N4BP2L2: variants seen among roughly 807,000 people sequenced by gnomAD.
N4BP2L2 encodes NEDD4 binding protein 2 like 2.
Under a neutral mutation model 56.2 loss-of-function variants are expected in N4BP2L2, and 50 were observed. The observed-to-expected ratio is 0.89, with a 90% CI of 0.71 to 1.13. The LOEUF is 1.13. N4BP2L2 is among the 50% of genes most tolerant of loss of function. N4BP2L2 has a pLI of 0.00. For missense variants in N4BP2L2, 689 were observed against 693.8 expected (o/e 0.99, Z 0.08); for synonymous variants, 203 against 223.6 (o/e 0.91, Z 0.82).
intron 6 of N4BP2L2, among the ~76,000 whole-genome samples, chr13:32,481,808 C>T (rs962555858): frequency 2.0e-5 from 3 of 152,190 alleles, no homozygotes; most frequent in Non-Finnish European, 2.9e-5. Flanking sequence ...CTGACTCAGT[C>T]TAGTCCAGTT....
At chr13:32,477,795 A>G (rs2083667933) in intron 6 of N4BP2L2, 1 of 1,097,470 alleles carries the variant, frequency 9.1e-7, no homozygotes, top group Admixed American at 2.4e-5. Flanking sequence ...TCTTGTTAAG[A>G]GGTATACAGC....
At chr13:32,518,115 A>AAT in intron 5 of N4BP2L2, 112 bp from the exon 6 acceptor site, 1 of 980,476 alleles carries the variant, frequency 1.0e-6, no homozygotes, top group Non-Finnish European at 1.4e-6. Context: ...GTAAATAAAC[A>AAT]ATATATATTT....
At position 32,448,584 on chromosome 13, in the gene N4BP2L2, G is replaced by T. The variant is rs78243255; in HGVS notation, c.366-4458C>A. Among the ~76,000 whole-genome samples the T allele has an allele frequency of 6.0e-3, 910 of 152,266 alleles. 13 individuals are homozygous for T. Among genetic ancestry groups the T allele is most frequent in the African/African-American group, 0.021 (869 of 41,530 alleles). The stretch of plus-strand genomic sequence containing the variant: ...GTGTACCTCTCAGGAATTAGAAAGT[G>T]TTTGTTCAGATACAAGCTAATCTGA... On this transcript the variant is annotated intron_variant, in intron 6 of 9. Coordinates refer to the N4BP2L2 transcript ENST00000357505.
At chr13:32,472,704 A>T (rs1253198457) in intron 6 of N4BP2L2, among the ~76,000 whole-genome samples, 1 of 152,230 alleles carries the variant, frequency 6.6e-6, no homozygotes, top group African/African-American at 2.4e-5. Context: ...AAGCTAGCTG[A>T]GCCTAGGTGA....
At chr13:32,528,569 G>C (rs2053746660) in intron 2 of N4BP2L2, among the ~76,000 whole-genome samples, 1 of 152,196 alleles carries the variant, frequency 6.6e-6, no homozygotes, top group South Asian at 2.1e-4. Context: ...GAAATTGGGA[G>C]TGTGCTATGA....
chr13:32,444,158 A>T, intron 6 of N4BP2L2: 1 of 1,421,046 alleles, frequency 7.0e-7, no homozygotes. Flanking sequence ...AAAATGTATG[A>T]CTTAATTACA....
At chr13:32,533,960 T>A (rs973277557) in intron 2 of N4BP2L2, among the ~76,000 whole-genome samples, 1 of 152,188 alleles carries the variant, frequency 6.6e-6, no homozygotes, top group African/African-American at 2.4e-5. Flanking sequence ...AGGAGTCACG[T>A]ATAAGACTAC....
At chr13:32,487,747 C>A (rs772506008) in intron 6 of N4BP2L2, among the ~76,000 whole-genome samples, 1 of 152,120 alleles carries the variant, frequency 6.6e-6, no homozygotes, top group Non-Finnish European at 1.5e-5. Flanking sequence ...TTCCCCATAG[C>A]AGGCATATAG....
intron 6 of N4BP2L2, among the ~76,000 whole-genome samples, chr13:32,450,309 A>G (rs71436479): frequency 0.031 from 4,680 of 152,170 alleles, 111 homozygotes; most frequent in Middle Eastern, 0.061. Context: ...AACAGTAAAA[A>G]AATTATATAT....
At chr13:32,441,222 C>T (rs1346490612) in intron 7 of N4BP2L2, among the ~76,000 whole-genome samples, 2 of 152,154 alleles carry the variant, frequency 1.3e-5, no homozygotes, top group African/African-American at 4.8e-5. Context: ...CACCTCATCC[C>T]TTCAGTATCC....
chr13:32,518,266 C>G (rs761472126), intron 5 of N4BP2L2, among the ~76,000 whole-genome samples: 4 of 152,094 alleles, frequency 2.6e-5, no homozygotes, highest in Admixed American at 2.6e-4. Flanking sequence ...ATTCACTGAG[C>G]CTGCTGACTA....
At chr13:32,439,883 G>A (rs1296855361) in intron 7 of N4BP2L2, among the ~76,000 whole-genome samples, 8 of 150,634 alleles carry the variant, frequency 5.3e-5, no homozygotes, top group Admixed American at 3.3e-4. Flanking sequence ...AAAATTAGCC[G>A]GGCGCAGTGG....
intron 6 of N4BP2L2, among the ~76,000 whole-genome samples, chr13:32,447,024 C>A (rs983668691): frequency 1.3e-5 from 2 of 151,936 alleles, no homozygotes; most frequent in African/African-American, 4.9e-5. Context: ...CACTGCCTCT[C>A]GATTTAAAGA....
chr13:32,517,852 C>T, exon 6 of N4BP2L2: 1 of 1,613,952 alleles, frequency 6.2e-7, no homozygotes, highest in Non-Finnish European at 8.5e-7. Flanking sequence ...AGAGAGCCTC[C>T]CCACCTCTGT....
intron 6 of N4BP2L2, chr13:32,480,662 T>C: frequency 7.8e-7 from 1 of 1,276,612 alleles, no homozygotes; most frequent in Non-Finnish European, 1.0e-6. Context: ...AACATTTAGA[T>C]TGTGCTTCAC....
At chr13:32,446,492 C>A in intron 6 of N4BP2L2, 1 of 1,313,736 alleles carries the variant, frequency 7.6e-7, no homozygotes, top group Non-Finnish European at 1.0e-6. Flanking sequence ...TGTTGCAGGG[C>A]AAGGAGAAAA....
At chr13:32,511,860 A>G (rs2048212890) in exon 6 of N4BP2L2, 2 of 151,300 alleles carry the variant, frequency 1.3e-5, no homozygotes, top group East Asian at 1.9e-4. Context: ...AAAACGGAAG[A>G]AAAAAAAAGG....
intron 6 of N4BP2L2, among the ~76,000 whole-genome samples, chr13:32,474,268 T>C (rs1162183824): frequency 6.6e-6 from 1 of 151,848 alleles, no homozygotes. Flanking sequence ...CATATACAGT[T>C]TATTATTACC....
At chr13:32,463,022 G>A (rs1222134234) in intron 6 of N4BP2L2, among the ~76,000 whole-genome samples, 1 of 151,800 alleles carries the variant, frequency 6.6e-6, no homozygotes, top group African/African-American at 2.4e-5. Flanking sequence ...CAACCTGTGT[G>A]ACAGAGCAAG....
Sources: gnomAD v4.1 joint callset for allele counts (sites outside exome capture counted in the v4.1 genomes callset) on GRCh38, gnomAD v4.1.1 for gene constraint, MANE v1.5 for transcripts, NCBI Gene and HGNC (gene_info 2026-07-23, HGNC 2026-07-21) for gene names.